TRAPPC9: variants seen among roughly 807,000 people sequenced by gnomAD.
The protein encoded by TRAPPC9 is IKK2 binding protein.
Under a neutral mutation model 124.0 loss-of-function variants are expected in TRAPPC9, and 83 were observed. The ratio of observed to expected loss-of-function variants is 0.67; its 90% CI spans 0.56 to 0.80. The LOEUF is 0.80. Among genes scored for constraint, TRAPPC9 ranks in the 30% least tolerant of loss-of-function variants. TRAPPC9 has a pLI of 0.00. For missense variants in TRAPPC9, 1,302 were observed against 1,508.3 expected (o/e 0.86, Z 2.27); for synonymous variants, 638 against 617.5 (o/e 1.03, Z -0.49).
intron 17 of TRAPPC9, among the ~76,000 whole-genome samples, chr8:140,054,422 C>G (rs1006683153): frequency 3.9e-5 from 6 of 152,014 alleles, no homozygotes; most frequent in Admixed American, 1.3e-4. Context: ...GAAAGCAGTA[C>G]TAAGAGAGAA....
Position 139,902,256 on chromosome 8 carries a change from CAA to C in TRAPPC9, c.2964+7889_2964+7890del, listed in dbSNP as rs1831068219. Among the ~76,000 whole-genome samples the C allele has an allele frequency of 3.9e-5, 6 of 152,328 alleles. No individual in the cohort carries two copies. The South Asian group carries it at 1.2e-3, about 32-fold the overall frequency. On this transcript the variant is annotated intron_variant, in intron 20 of 22. Coordinates refer to ENST00000438773, the MANE Select transcript of TRAPPC9 (RefSeq NM_001160372.4). The stretch of plus-strand genomic sequence containing the variant: ...GTATGTGTCAAACCCCGGCCACTTT[CAA>C]AGTCATTTCAAGGTGGGCATGGCCA...
intron 9 of TRAPPC9, among the ~76,000 whole-genome samples, chr8:140,324,478 TAAATA>T (rs2066687046): frequency 6.6e-6 from 1 of 152,126 alleles, no homozygotes; most frequent in African/African-American, 2.4e-5. Context: ...TTTGTTAAAA[TAAATA>T]AAAGAGGCCA....
intron 19 of TRAPPC9, 31 bp downstream of exon 19, chr8:139,988,695 G>A (rs1229354560): frequency 2.8e-6 from 4 of 1,453,426 alleles, no homozygotes; most frequent in Middle Eastern, 4.5e-4. Flanking sequence ...AGGGTGGCCT[G>A]CGGCGGCGCG....
At chr8:140,146,600 T>C (rs2061466835) in intron 17 of TRAPPC9, among the ~76,000 whole-genome samples, 1 of 152,238 alleles carries the variant, frequency 6.6e-6, no homozygotes, top group African/African-American at 2.4e-5. Flanking sequence ...CCACATCTAC[T>C]TTAAAAGACT....
intron 10 of TRAPPC9, among the ~76,000 whole-genome samples, chr8:140,303,483 G>C (rs1022658501): frequency 1.3e-5 from 2 of 152,116 alleles, no homozygotes; most frequent in Non-Finnish European, 1.5e-5. Context: ...GAATTCCATA[G>C]ATAAGGAAAA....
chr8:139,762,295 C>G (rs1282694233), intron 21 of TRAPPC9, among the ~76,000 whole-genome samples: 1 of 152,156 alleles, frequency 6.6e-6, no homozygotes, highest in Admixed American at 6.5e-5. Flanking sequence ...ATATTAAGAA[C>G]TAGTATGCAA....
rs1268504654 is a variant in TRAPPC9 at position 139,907,932 on chromosome 8, G to A, written c.2964+2215C>T. Among the ~76,000 whole-genome samples the A allele has an allele frequency of 6.6e-6, 1 of 152,198 alleles. No individual in the cohort carries two copies. Among genetic ancestry groups the A allele is most frequent in the East Asian group, 1.9e-4 (1 of 5,192 alleles). Reference sequence around the variant, plus strand: ...GGCCACGCCACTTTCTCTTTGTGAAGTGGAGTCACAGTTTTCATCTGCAAG... The same window carrying A: ...GGCCACGCCACTTTCTCTTTGTGAAATGGAGTCACAGTTTTCATCTGCAAG... On this transcript the variant is annotated intron_variant, in intron 20 of 22. Transcript: ENST00000438773. The surrounding 1 kb of genome is among the most constrained non-coding windows in gnomAD (Gnocchi z 4.7).
At chr8:140,357,676 C>A (rs1057044555) in intron 9 of TRAPPC9, among the ~76,000 whole-genome samples, 2 of 152,124 alleles carry the variant, frequency 1.3e-5, no homozygotes, top group Admixed American at 6.5e-5. Flanking sequence ...ACTGCCCAAG[C>A]CGCCACTGAG....
intron 17 of TRAPPC9, among the ~76,000 whole-genome samples, chr8:140,186,077 A>T (rs1337659814): frequency 6.6e-6 from 1 of 152,220 alleles, no homozygotes; most frequent in Non-Finnish European, 1.5e-5. Flanking sequence ...ATGAAGCTCA[A>T]ATAATGCAAA....
At chr8:140,199,696 C>A (rs191389792) in intron 17 of TRAPPC9, among the ~76,000 whole-genome samples, 2 of 152,294 alleles carry the variant, frequency 1.3e-5, no homozygotes, top group Admixed American at 1.3e-4. Flanking sequence ...ACCCGCACCA[C>A]AATCTATATC....
chr8:140,268,661 C>A (rs1005854235), intron 15 of TRAPPC9, among the ~76,000 whole-genome samples: 5 of 152,166 alleles, frequency 3.3e-5, no homozygotes, highest in Non-Finnish European at 7.3e-5. Context: ...CCCACCTCTT[C>A]TGCTTTCACT....
At chr8:140,329,058 C>G (rs2066822964) in intron 9 of TRAPPC9, among the ~76,000 whole-genome samples, 1 of 152,000 alleles carries the variant, frequency 6.6e-6, no homozygotes, top group Non-Finnish European at 1.5e-5. Flanking sequence ...GAAAGTATAC[C>G]GGGCACAAGC....
rs1451754843 is a variant in TRAPPC9, at chr8:139,728,958, G to C, written c.*2103C>G. Among the ~76,000 whole-genome samples the C allele has an allele frequency of 6.6e-6, 1 of 152,220 alleles. No individual in the cohort carries two copies. The highest frequency in any genetic ancestry group is 1.5e-5 in the Non-Finnish European group (1 of 68,044). On this transcript the variant is annotated 3_prime_UTR_variant, in exon 23 of 23. Coordinates refer to ENST00000438773, the MANE Select transcript of TRAPPC9 (RefSeq NM_001160372.4). The stretch of plus-strand genomic sequence containing the variant: ...TGCCACTCAGAATCAAACACTGCCA[G>C]AGTTTTCCATATTGGCTTTTCTAGG...
chr8:140,355,687 C>T (rs901153958), intron 9 of TRAPPC9, among the ~76,000 whole-genome samples: 4 of 152,262 alleles, frequency 2.6e-5, no homozygotes, highest in East Asian at 1.9e-4. Flanking sequence ...AATGGCCAGT[C>T]GTGACCATGT....
intron 19 of TRAPPC9, among the ~76,000 whole-genome samples, chr8:139,941,196 C>G (rs1833897271): frequency 6.6e-6 from 1 of 152,226 alleles, no homozygotes; most frequent in African/African-American, 2.4e-5. Context: ...TCCTCCCCGG[C>G]CCTCAGCCTT....
chr8:140,081,581 G>C (rs1279037029), intron 17 of TRAPPC9, among the ~76,000 whole-genome samples: 1 of 152,082 alleles, frequency 6.6e-6, no homozygotes, highest in Non-Finnish European at 1.5e-5. Context: ...CCTGACCTCA[G>C]GTGATCCGCC....
chr8:140,281,553 C>T (rs1227253423), intron 14 of TRAPPC9, among the ~76,000 whole-genome samples: 2 of 152,118 alleles, frequency 1.3e-5, no homozygotes, highest in East Asian at 3.9e-4. Flanking sequence ...CAGTCTGTAA[C>T]TTTCATTCTT....
chr8:140,206,242 A>G (rs1008861865), intron 17 of TRAPPC9, among the ~76,000 whole-genome samples: 3 of 152,250 alleles, frequency 2.0e-5, no homozygotes, highest in African/African-American at 4.8e-5. Flanking sequence ...AACTAGGACT[A>G]TAAGGTTCAG....
intron 2 of TRAPPC9, among the ~76,000 whole-genome samples, chr8:140,443,581 C>T (rs1056928278): frequency 6.6e-6 from 1 of 151,852 alleles, no homozygotes; most frequent in African/African-American, 2.4e-5. Flanking sequence ...CATGGTAGAG[C>T]TAAAGCACCA....
Sources: gnomAD v4.1 joint callset for allele counts (sites outside exome capture counted in the v4.1 genomes callset) on GRCh38, gnomAD v4.1.1 for gene constraint, Gnocchi (gnomAD v3.1) non-coding constraint, MANE v1.5 for transcripts, NCBI Gene and HGNC (gene_info 2026-07-23, HGNC 2026-07-21) for gene names.